Variants in ANO10 observed in about 807,000 individuals in gnomAD.
The protein encoded by ANO10 is anoctamin 10.
ANO10 carries 77 observed loss-of-function variants against 74.7 expected under a neutral mutation model. The observed-to-expected ratio is 1.03, with a 90% confidence interval of 0.86 to 1.25. The LOEUF is 1.25. Among genes scored for constraint, ANO10 ranks in the 50% most tolerant of loss-of-function variants. The pLI is 0.00. For missense variants in ANO10, 721 were observed against 778.1 expected (o/e 0.93, Z 0.87); for synonymous variants, 279 against 284.9 (o/e 0.98, Z 0.21).
chr3:43,668,557 TA>T (rs1198558446), intron 1 of ANO10, among the ~76,000 whole-genome samples: 2 of 152,162 alleles, frequency 1.3e-5, no homozygotes, highest in Non-Finnish European at 2.9e-5. Flanking sequence ...CTTACTGTTT[TA>T]GGTCTTAGAT....
intron 1 of ANO10, among the ~76,000 whole-genome samples, chr3:43,615,509 T>C (rs2083052435): frequency 6.6e-6 from 1 of 152,186 alleles, no homozygotes; most frequent in South Asian, 2.1e-4. Flanking sequence ...TGATTTTTAA[T>C]GAGTGGGTAT....
At chr3:43,509,580 A>C (rs2077434412) in intron 11 of ANO10, among the ~76,000 whole-genome samples, 2 of 152,154 alleles carry the variant, frequency 1.3e-5, no homozygotes, top group African/African-American at 4.8e-5. Context: ...AAACTAGATC[A>C]CTCACACATT....
chr3:43,623,588 T>C (rs1039080777), upstream of ANO10, among the ~76,000 whole-genome samples: 1 of 152,224 alleles, frequency 6.6e-6, no homozygotes, highest in South Asian at 2.1e-4. Flanking sequence ...CATCCAGCTT[T>C]GGCCAGATCA....
intron 11 of ANO10, among the ~76,000 whole-genome samples, chr3:43,541,890 G>A (rs2149280354): frequency 6.6e-6 from 1 of 152,306 alleles, no homozygotes; most frequent in East Asian, 1.9e-4. Flanking sequence ...GGAAGCCAGG[G>A]GAAGTGAAGG....
chr3:43,468,728 T>C (rs74331309), intron 11 of ANO10, among the ~76,000 whole-genome samples: 1 of 151,204 alleles, frequency 6.6e-6, no homozygotes, highest in Non-Finnish European at 1.5e-5. Context: ...TTTTTTTTTT[T>C]GAGACAGAGT....
chr3:43,622,020 C>A (rs2083425459), upstream of ANO10: 1 of 152,326 alleles, frequency 6.6e-6, no homozygotes, highest in Non-Finnish European at 1.5e-5. Flanking sequence ...GTGGGGCGGG[C>A]GCCGCCGAGC....
intron 6 of ANO10, among the ~76,000 whole-genome samples, chr3:43,575,541 C>T (rs530655594): frequency 6.6e-6 from 1 of 152,174 alleles, no homozygotes; most frequent in East Asian, 1.9e-4. Context: ...CTCTCAGGAT[C>T]AGAAATAATA....
chr3:43,420,185 C>G (rs2092798725), intron 12 of ANO10, among the ~76,000 whole-genome samples: 2 of 152,206 alleles, frequency 1.3e-5, no homozygotes, highest in African/African-American at 4.8e-5. Context: ...GTGGCTCACG[C>G]CAGTAATCCC....
At chr3:43,633,538 A>G (rs1045937931) in intron 1 of ANO10, among the ~76,000 whole-genome samples, 2 of 152,218 alleles carry the variant, frequency 1.3e-5, no homozygotes, top group Non-Finnish European at 2.9e-5. Flanking sequence ...CCATTGAAGT[A>G]ATAGAATTCC....
chr3:43,626,453 C>T (rs568924511), upstream of ANO10, among the ~76,000 whole-genome samples: 1 of 152,012 alleles, frequency 6.6e-6, no homozygotes, highest in East Asian at 1.9e-4. Flanking sequence ...CATGTGCCAC[C>T]ACACCCGGCT....
At chr3:43,583,934 A>G (rs1051014502) in intron 4 of ANO10, among the ~76,000 whole-genome samples, 1 of 152,254 alleles carries the variant, frequency 6.6e-6, no homozygotes, top group African/African-American at 2.4e-5. Context: ...TAATCATCCA[A>G]TAGACATTTT....
chr3:43,685,221 ATT>A (rs2084259984), intron 1 of ANO10, among the ~76,000 whole-genome samples: 1 of 152,030 alleles, frequency 6.6e-6, no homozygotes, highest in Admixed American at 6.6e-5. Context: ...CATTTCTGAT[ATT>A]GTTCATTTTT....
intron 11 of ANO10, among the ~76,000 whole-genome samples, chr3:43,447,667 A>G (rs1449019530): frequency 6.6e-6 from 1 of 152,236 alleles, no homozygotes; most frequent in Admixed American, 6.5e-5. Flanking sequence ...AACATGTTAA[A>G]TTCTAATGAA....
chr3:43,479,904 CTG>C (rs1435291352), intron 11 of ANO10, among the ~76,000 whole-genome samples: 2 of 152,180 alleles, frequency 1.3e-5, no homozygotes, highest in East Asian at 3.8e-4. Flanking sequence ...TCAAGTGAGA[CTG>C]AACTACAGGC....
At chr3:43,654,077 T>C (rs1008669254) in intron 1 of ANO10, among the ~76,000 whole-genome samples, 2 of 151,974 alleles carry the variant, frequency 1.3e-5, no homozygotes, top group Non-Finnish European at 2.9e-5. Context: ...TACAGGAAAA[T>C]GGAGCCAGAG....
At chr3:43,401,953 G>C (rs959614202) in intron 12 of ANO10, among the ~76,000 whole-genome samples, 1 of 152,106 alleles carries the variant, frequency 6.6e-6, no homozygotes, top group Admixed American at 6.5e-5. Context: ...TCCTGATGAT[G>C]TGGTACAGCT....
intron 11 of ANO10, among the ~76,000 whole-genome samples, chr3:43,537,510 G>A (rs1459839105): frequency 6.6e-6 from 1 of 151,698 alleles, no homozygotes; most frequent in Non-Finnish European, 1.5e-5. Flanking sequence ...ACAGCTTGGG[G>A]GCAACCATAT....
At chr3:43,419,264 G>A (rs1209406398) in intron 12 of ANO10, among the ~76,000 whole-genome samples, 1 of 152,198 alleles carries the variant, frequency 6.6e-6, no homozygotes, top group African/African-American at 2.4e-5. Flanking sequence ...GTATTCTACT[G>A]ATCACACAGA....
At chr3:43,435,506 C>T (rs1335682743) in intron 11 of ANO10, among the ~76,000 whole-genome samples, 1 of 129,840 alleles carries the variant, frequency 7.7e-6, no homozygotes, top group Non-Finnish European at 1.7e-5. Context: ...GAGACTCCAT[C>T]TCAGAAAAAA....
Sources: allele counts gnomAD v4.1 joint callset (sites outside exome capture counted in the v4.1 genomes callset), GRCh38; gene constraint gnomAD v4.1.1; transcripts MANE v1.5; gene names NCBI Gene and HGNC (gene_info 2026-07-23, HGNC 2026-07-21).